The following MTMR14 variants were observed in gnomAD, a reference collection of about 807,000 sequenced individuals.
The protein encoded by MTMR14 is phosphatidylinositol-3,5-bisphosphate 3-phosphatase MTMR14.
Under a neutral mutation model 86.3 loss-of-function variants are expected in MTMR14, and 48 were observed. That is an observed-to-expected ratio of 0.56 (90% CI 0.44 to 0.71). MTMR14 has a LOEUF of 0.71. MTMR14 is among the 30% of genes least tolerant of loss of function. MTMR14 has a pLI of 0.00. For missense variants in MTMR14, 780 were observed against 834.6 expected, an observed-to-expected ratio of 0.93 and a Z score of 0.81; for synonymous variants, 366 against 326.1, an observed-to-expected ratio of 1.12 and a Z score of -1.32.
rs1253929650 is a variant in MTMR14 at position 9,685,221 on chromosome 3, G to A, written c.1138G>A (p.Val380Ile). Residue 380 changes from valine to isoleucine, a missense_variant, in exon 13 of 19, where the codon GTA (valine) becomes ATA (isoleucine). Val to Ile is a conservative substitution (Grantham distance 29, BLOSUM62 3). Coordinates refer to ENST00000296003, the MANE Select transcript of MTMR14 (RefSeq NM_001077525.3). ...CCCTCCTTTTTTCAGGCACATGTTG[G>A]TAGATCGGCTCAGCAAAGGGGAGGA... ...YDWFLFGHML[V>I]DRLSKGEEIF... The A allele has an allele frequency of 9.9e-6, 16 of 1,614,036 alleles. No individual in the cohort carries two copies. The highest frequency in any genetic ancestry group is 8.9e-5 in the East Asian group (4 of 44,890).
At chr3:9,667,224 A>G (rs1259613375) in intron 3 of MTMR14, among the ~76,000 whole-genome samples, 5 of 152,222 alleles carry the variant, frequency 3.3e-5, no homozygotes, top group Non-Finnish European at 7.3e-5. Flanking sequence ...TGGATATGAT[A>G]CAAATGCCAG....
chr3:9,688,756 T>C lies in MTMR14; in HGVS notation c.1294+2T>C. On this transcript the variant is annotated splice_donor_variant, in intron 15 of 18. Coordinates refer to ENST00000296003, the MANE Select transcript of MTMR14 (RefSeq NM_001077525.3). LOFTEE classifies it high-confidence loss of function. ...CCCTGGAAGACATCTGCATGCTGAG[T>C]GAGTCCTGGGCCCCAACAGACTTCC... 6.2e-7 allele frequency: 1 copy of C among 1,613,904 alleles called. No individual in the cohort carries two copies. The highest frequency in any genetic ancestry group is 8.5e-7 in the Non-Finnish European group (1 of 1,179,978).
chr3:9,689,992 A>G lies in MTMR14; in HGVS notation c.1462A>G (p.Ser488Gly), dbSNP rs1194349929. 6.2e-7 allele frequency: 1 copy of G among 1,611,522 alleles called. No individual in the cohort carries two copies. Among genetic ancestry groups the G allele is most frequent in the South Asian group, 1.1e-5 (1 of 90,756 alleles). Residue 488 changes from serine (S) to glycine (G), a missense_variant, in exon 17 of 19, where the codon AGT (serine) becomes GGT (glycine). Coordinates refer to ENST00000296003, the MANE Select transcript of MTMR14 (RefSeq NM_001077525.3). The stretch of plus-strand genomic sequence containing the variant: ...GAAGAGCCACTCATCCTCTCCACAG[A>G]GTGTCCTCTGGAACCGGCCACAACC... ...WRKSHSSSPQ[S>G]VLWNRPQPSE...
At chr3:9,697,688 C>T in intron 17 of MTMR14, 23 bp from the exon 18 acceptor site, 1 of 1,611,232 alleles carries the variant, frequency 6.2e-7, no homozygotes, top group Non-Finnish European at 8.5e-7. Context: ...CATCCTCTCC[C>T]CTCTCTCTCC....
chr3:9,673,570 A>T (rs1309732051), intron 7 of MTMR14, among the ~76,000 whole-genome samples: 1 of 152,190 alleles, frequency 6.6e-6, no homozygotes, highest in Non-Finnish European at 1.5e-5. Flanking sequence ...CAGCACCAGC[A>T]TCTGCCTTCA....
intron 13 of MTMR14, 111 bp from the exon 14 acceptor site, chr3:9,687,710 A>G (rs1449641656): frequency 2.4e-6 from 2 of 845,448 alleles, no homozygotes; most frequent in Non-Finnish European, 3.9e-6. Flanking sequence ...ACAGTCCCAC[A>G]GCAGGGCCGC....
At chr3:9,689,929 G>A in intron 16 of MTMR14, 35 bp from the exon 17 acceptor site, 2 of 1,588,910 alleles carry the variant, frequency 1.3e-6, no homozygotes, top group Non-Finnish European at 1.7e-6. Context: ...GCCTGCAGTG[G>A]CCCCCGGCTC....
At position 9,683,215 on chromosome 3, in the gene MTMR14, A is replaced by T. The variant is rs371570998; in HGVS notation, c.935A>T (p.Lys312Met). The change falls in exon 10 of 19, where the codon AAG becomes ATG. Residue 312 changes from lysine to methionine, a missense_variant. Coordinates refer to ENST00000296003, the MANE Select transcript of MTMR14 (RefSeq NM_001077525.3). ...DLVQQTQNYL[K>M]LLLSLVNSDD... is the part of the protein sequence containing the mutation. Reference sequence around the variant, plus strand: ...GTGCAACAAACACAAAACTACCTGAAGCTGCTGCTTTCCTTAGTTAACAGT... The same window carrying T: ...GTGCAACAAACACAAAACTACCTGATGCTGCTGCTTTCCTTAGTTAACAGT... 1 of 1,614,196 alleles carries T rather than the reference A, an allele frequency of 6.2e-7. No homozygotes were observed. Among genetic ancestry groups the T allele is most frequent in the African/African-American group, 1.3e-5 (1 of 75,054 alleles).
intron 17 of MTMR14, among the ~76,000 whole-genome samples, chr3:9,697,300 C>T (rs929966130): frequency 5.3e-5 from 8 of 152,090 alleles, no homozygotes; most frequent in Non-Finnish European, 5.9e-5. Context: ...ATCTGCATGC[C>T]AGCAAGTATG....
chr3:9,651,700 C>CT (rs2124906750), intron 1 of MTMR14, among the ~76,000 whole-genome samples: 1 of 152,286 alleles, frequency 6.6e-6, no homozygotes, highest in African/African-American at 2.4e-5. Context: ...GAGTCTCCCT[C>CT]TGTCACCCAG....
intron 3 of MTMR14, among the ~76,000 whole-genome samples, chr3:9,666,879 A>AACC (rs2048282179): frequency 6.6e-6 from 1 of 152,224 alleles, no homozygotes; most frequent in East Asian, 1.9e-4. Context: ...ATGATGGGTT[A>AACC]TGAGTCAGAA....
intron 17 of MTMR14, among the ~76,000 whole-genome samples, chr3:9,696,556 C>T (rs577711862): frequency 6.6e-6 from 1 of 152,334 alleles, no homozygotes; most frequent in African/African-American, 2.4e-5. Context: ...ATACCTCAAG[C>T]AGGTGTCTTC....
At position 9,652,680 on chromosome 3, in the gene MTMR14, G is replaced by A. The variant is rs1216463072; in HGVS notation, c.160-941G>A. On this transcript the variant is annotated intron_variant, in intron 1 of 18. Transcript: ENST00000296003. ...CCATTGCACTCTAGCCTGGGTGACA[G>A]AGCAAGACTCTTTCTCAAAAAAAAA... Among the ~76,000 whole-genome samples the A allele has an allele frequency of 2.7e-5, 4 of 149,584 alleles. No individual in the cohort carries two copies. In the South Asian group the frequency reaches 6.3e-4, roughly 24 times the overall value.
intron 12 of MTMR14, 55 bp downstream of exon 12, chr3:9,685,019 A>G: frequency 1.3e-6 from 2 of 1,564,820 alleles, no homozygotes; most frequent in Middle Eastern, 1.7e-4. Context: ...TCTATATGTG[A>G]GTTGTGTGGT....
chr3:9,676,493 A>G (rs1177718326), intron 7 of MTMR14, among the ~76,000 whole-genome samples: 1 of 152,232 alleles, frequency 6.6e-6, no homozygotes. Context: ...TGATGACAAT[A>G]GTGTGCTGCC....
chr3:9,675,909 CA>C (rs1397204733), intron 7 of MTMR14, among the ~76,000 whole-genome samples: 1 of 152,158 alleles, frequency 6.6e-6, no homozygotes, highest in Non-Finnish European at 1.5e-5. Context: ...TTCTTTCTCC[CA>C]GTGAGGCTCC....
intron 13 of MTMR14, 76 bp downstream of exon 13, chr3:9,685,323 A>G (rs1178575866): frequency 1.3e-6 from 2 of 1,563,126 alleles, no homozygotes; most frequent in South Asian, 1.1e-5. Context: ...TCTGAGTTCC[A>G]CGTGTTAGGG....
intron 17 of MTMR14, among the ~76,000 whole-genome samples, chr3:9,691,295 G>T (rs1173796901): frequency 6.6e-6 from 1 of 152,204 alleles, no homozygotes; most frequent in Non-Finnish European, 1.5e-5. Context: ...GGTGGAAGTG[G>T]TGGGGCAGAG....
At chr3:9,684,139 T>G (rs1298846363) in intron 10 of MTMR14, among the ~76,000 whole-genome samples, 1 of 152,102 alleles carries the variant, frequency 6.6e-6, no homozygotes, top group East Asian at 1.9e-4. Context: ...CTGCAGAAAC[T>G]AGAGGGTGGG....
Sources: gnomAD v4.1 joint callset for allele counts (sites outside exome capture counted in the v4.1 genomes callset) on GRCh38, gnomAD v4.1.1 for gene constraint, MANE v1.5 for transcripts, NCBI Gene and HGNC (gene_info 2026-07-23, HGNC 2026-07-21) for gene names.